OPCML: variants seen among roughly 807,000 people sequenced by gnomAD.
OPCML encodes opioid-binding protein/cell adhesion molecule.
A neutral mutation model predicts 37.8 loss-of-function variants in OPCML; 13 were observed. The observed-to-expected ratio is 0.34, with a 90% CI of 0.22 to 0.55. The LOEUF is 0.55. OPCML is among the 20% of genes least tolerant of loss of function. The pLI is 0.91. For missense variants in OPCML, 341 were observed against 435.6 expected (o/e 0.78, Z 1.93); for synonymous variants, 176 against 168.8 (o/e 1.04, Z -0.33).
chr11:132,926,965 A>G (rs1202866142), intron 2 of OPCML, among the ~76,000 whole-genome samples: 22 of 152,172 alleles, frequency 1.4e-4, no homozygotes, highest in Admixed American at 1.4e-3. Context: ...CAGAAAAAAC[A>G]ATCAGTGAAC....
At chr11:132,932,713 A>G (rs1218850358) in intron 2 of OPCML, among the ~76,000 whole-genome samples, 1 of 148,312 alleles carries the variant, frequency 6.7e-6, no homozygotes, top group Non-Finnish European at 1.5e-5. Context: ...ATATATATAT[A>G]CAAATGCTGC....
chr11:132,499,146 A>T (rs1326274458), intron 4 of OPCML, among the ~76,000 whole-genome samples: 1 of 152,212 alleles, frequency 6.6e-6, no homozygotes, highest in Non-Finnish European at 1.5e-5. Context: ...CAAGGCCCCT[A>T]GGGACTAATG....
At chr11:133,350,320 A>G (rs188923061) in intron 1 of OPCML, among the ~76,000 whole-genome samples, 21 of 152,360 alleles carry the variant, frequency 1.4e-4, no homozygotes, top group Admixed American at 1.2e-3. Flanking sequence ...GGTAACACAC[A>G]GTGGGGAAAA....
intron 1 of OPCML, among the ~76,000 whole-genome samples, chr11:133,094,256 C>T (rs997137806): frequency 6.6e-6 from 1 of 152,152 alleles, no homozygotes; most frequent in African/African-American, 2.4e-5. Flanking sequence ...AGGTGAATCA[C>T]AGTAAAATAT....
chr11:132,598,779 G>C (rs1937624583), intron 3 of OPCML, among the ~76,000 whole-genome samples: 1 of 151,930 alleles, frequency 6.6e-6, no homozygotes, highest in African/African-American at 2.4e-5. Flanking sequence ...TTTCTCCCAT[G>C]GTTCGGTCAA....
intron 2 of OPCML, among the ~76,000 whole-genome samples, chr11:132,741,401 C>A (rs1171624097): frequency 6.6e-6 from 1 of 152,148 alleles, no homozygotes; most frequent in Non-Finnish European, 1.5e-5. Flanking sequence ...TTAGAAAGAA[C>A]TTGATCCTGA....
intron 2 of OPCML, among the ~76,000 whole-genome samples, chr11:132,704,674 A>G (rs1943961444): frequency 6.6e-6 from 1 of 152,270 alleles, no homozygotes; most frequent in Non-Finnish European, 1.5e-5. Flanking sequence ...AGTGAAATGT[A>G]GAATAAGTTT....
At chr11:132,497,393 C>A (rs994727321) in intron 4 of OPCML, among the ~76,000 whole-genome samples, 49 of 140,188 alleles carry the variant, frequency 3.5e-4, no homozygotes, top group Middle Eastern at 4.5e-3. Flanking sequence ...ACATGTACCC[C>A]TGAACTTAAA....
chr11:133,366,846 A>G (rs1298328297), intron 1 of OPCML, among the ~76,000 whole-genome samples: 1 of 152,198 alleles, frequency 6.6e-6, no homozygotes, highest in East Asian at 1.9e-4. Flanking sequence ...ACCCAGCCAC[A>G]CTTTGATGCC....
intron 1 of OPCML, among the ~76,000 whole-genome samples, chr11:133,362,822 A>C (rs1162285450): frequency 6.6e-6 from 1 of 151,962 alleles, no homozygotes; most frequent in Non-Finnish European, 1.5e-5. Context: ...TCCTAATCCC[A>C]CTACCTACCT....
At chr11:132,782,096 A>G (rs1450388767) in intron 2 of OPCML, among the ~76,000 whole-genome samples, 1 of 151,536 alleles carries the variant, frequency 6.6e-6, no homozygotes, top group East Asian at 2.0e-4. Context: ...AATGTTTGAA[A>G]TGGAGGTTTT....
At chr11:132,541,494 G>C (rs569206595) in intron 3 of OPCML, among the ~76,000 whole-genome samples, 1 of 149,474 alleles carries the variant, frequency 6.7e-6, no homozygotes, top group South Asian at 2.1e-4. Flanking sequence ...CCAATGTTAT[G>C]GGCTCTTTAT....
intron 2 of OPCML, among the ~76,000 whole-genome samples, chr11:132,933,099 C>T (rs1173950381): frequency 3.3e-5 from 5 of 152,156 alleles, no homozygotes; most frequent in African/African-American, 9.7e-5. Flanking sequence ...GTTTCCACTG[C>T]ACAGGTACAG....
chr11:133,469,990 A>G (rs1591536120), intron 1 of OPCML, among the ~76,000 whole-genome samples: 1 of 152,222 alleles, frequency 6.6e-6, no homozygotes, highest in East Asian at 1.9e-4. Flanking sequence ...ATTGCCTTAC[A>G]GTAGTCATCA....
At chr11:133,050,502 T>C (rs569312314) in intron 1 of OPCML, among the ~76,000 whole-genome samples, 5 of 151,830 alleles carry the variant, frequency 3.3e-5, no homozygotes. Flanking sequence ...GCTGGGGGAG[T>C]GGTCTGATGA....
intron 3 of OPCML, among the ~76,000 whole-genome samples, chr11:132,608,946 C>A (rs1591619115): frequency 6.6e-6 from 1 of 152,238 alleles, no homozygotes; most frequent in South Asian, 2.1e-4. Flanking sequence ...ATTGCCACCA[C>A]TTTGGCCTTG....
intron 1 of OPCML, among the ~76,000 whole-genome samples, chr11:133,043,220 G>C (rs1483030813): frequency 6.6e-6 from 1 of 152,180 alleles, no homozygotes; most frequent in Non-Finnish European, 1.5e-5. Context: ...AGCTGGGATT[G>C]TGGGTCCAGG....
At chr11:132,504,110 A>G (rs1164245388) in intron 4 of OPCML, among the ~76,000 whole-genome samples, 2 of 152,222 alleles carry the variant, frequency 1.3e-5, no homozygotes, top group Non-Finnish European at 2.9e-5. Flanking sequence ...TGGGAAAAGT[A>G]AGATTGAAGA....
At chr11:132,624,170 C>T (rs1939596666) in intron 3 of OPCML, among the ~76,000 whole-genome samples, 1 of 152,144 alleles carries the variant, frequency 6.6e-6, no homozygotes, top group African/African-American at 2.4e-5. Context: ...AAGCTATCCT[C>T]TCATGGAAAT....
Sources: gnomAD v4.1 joint callset for allele counts (sites outside exome capture counted in the v4.1 genomes callset) on GRCh38, gnomAD v4.1.1 for gene constraint, MANE v1.5 for transcripts, NCBI Gene and HGNC (gene_info 2026-07-23, HGNC 2026-07-21) for gene names.